CDC14B: variants seen among roughly 807,000 people sequenced by gnomAD.
CDC14B encodes the protein dual specificity protein phosphatase CDC14B.
In CDC14B, 22 loss-of-function variants were observed where a neutral mutation model predicts 64.2. That is an observed-to-expected ratio of 0.34 (90% CI 0.24 to 0.49). The LOEUF (loss-of-function observed/expected upper bound fraction) is 0.49, where lower values mean the gene tolerates loss of function less well. Among genes scored for constraint, CDC14B ranks in the 20% least tolerant of loss-of-function variants. The pLI, the probability that CDC14B is intolerant of heterozygous loss-of-function variation, is 0.99. For synonymous variants in CDC14B, 191 were observed against 215.8 expected, an observed-to-expected ratio of 0.89 and a Z score of 1.01; for missense variants, 498 against 629.9, an observed-to-expected ratio of 0.79 and a Z score of 2.24.
intron 1 of CDC14B, among the ~76,000 whole-genome samples, chr9:96,576,177 G>A (rs1257911665): frequency 8.5e-5 from 13 of 152,076 alleles, no homozygotes; most frequent in African/African-American, 3.1e-4. Context: ...TACTTGGGGA[G>A]GGTGAGGCAG....
intron 1 of CDC14B, chr9:96,618,475 T>C (rs747975020): frequency 9.4e-6 from 5 of 533,330 alleles, no homozygotes; most frequent in South Asian, 7.0e-5. Context: ...AGAACAGCTA[T>C]CGAAGGGCTG....
intron 7 of CDC14B, 83 bp downstream of exon 7, chr9:96,538,995 A>G (rs1587873372): frequency 3.5e-6 from 3 of 856,982 alleles, no homozygotes; most frequent in African/African-American, 3.4e-5. Context: ...TTAAGTATAT[A>G]TAAGTTTTAT....
chr9:96,600,346 A>G (rs184007668), intron 1 of CDC14B, among the ~76,000 whole-genome samples: 1 of 152,188 alleles, frequency 6.6e-6, no homozygotes, highest in African/African-American at 2.4e-5. Context: ...AGAACTGGAC[A>G]GATGAGGGCA....
chr9:96,547,226 A>G (rs573057038), intron 5 of CDC14B, among the ~76,000 whole-genome samples: 15 of 152,048 alleles, frequency 9.9e-5, no homozygotes, highest in African/African-American at 3.6e-4. Context: ...GCACTCTGGG[A>G]AGCCGAGGCT....
At chr9:96,598,679 T>C (rs1428413916) in intron 1 of CDC14B, among the ~76,000 whole-genome samples, 1 of 152,192 alleles carries the variant, frequency 6.6e-6, no homozygotes, top group East Asian at 1.9e-4. Flanking sequence ...ACATTGCTAG[T>C]GGGACTGTAA....
At position 96,564,810 on chromosome 9, in the gene CDC14B, G is replaced by A; in HGVS notation, c.294C>T (p.Tyr98=). The A allele has an allele frequency of 6.2e-7, 1 of 1,603,550 alleles. No homozygotes were observed. Among genetic ancestry groups the A allele is most frequent in the Non-Finnish European group, 8.5e-7 (1 of 1,174,710 alleles). Residue 98 remains tyrosine (Y), a synonymous_variant, in exon 3 of 14, where the codon TAC becomes TAT. Coordinates refer to ENST00000375241, the MANE Select transcript of CDC14B (RefSeq NM_033331.4). The stretch of plus-strand genomic sequence containing the variant: ...TCTTATTGATCTTGCAACAATATCT[G>A]TAAACCATTGCCAGATTGAGTGGTC... The part of the protein sequence containing the change: ...DFGPLNLAMV[Y]RYCCKINKKL...
At chr9:96,582,360 A>T (rs1232896106) in intron 1 of CDC14B, among the ~76,000 whole-genome samples, 1 of 152,212 alleles carries the variant, frequency 6.6e-6, no homozygotes, top group Non-Finnish European at 1.5e-5. Context: ...ATACTGGTCC[A>T]AGCAAGCATT....
At chr9:96,573,079 C>T (rs1268611651) in intron 1 of CDC14B, among the ~76,000 whole-genome samples, 3 of 152,096 alleles carry the variant, frequency 2.0e-5, no homozygotes, top group Non-Finnish European at 2.9e-5. Flanking sequence ...GAGGCCGAGG[C>T]GGGTGGATCA....
At chr9:96,530,003 A>G (rs1373076129) in intron 9 of CDC14B, among the ~76,000 whole-genome samples, 3 of 152,184 alleles carry the variant, frequency 2.0e-5, no homozygotes, top group Non-Finnish European at 4.4e-5. Context: ...TAAGTCACCC[A>G]GTGCACAAAT....
In CDC14B at chr9:96,515,781, G is replaced by T; in HGVS notation, c.1344-5992C>A. The T allele has an allele frequency of 6.3e-7, 1 of 1,598,282 alleles. No individual in the cohort carries two copies. Among genetic ancestry groups the T allele is most frequent in the South Asian group, 1.1e-5 (1 of 87,930 alleles). ...ACTACACAGTGCAGAGGTCAGCACA[G>T]CTAGGGGACATCTGGAAAGGGGTGA... On this transcript the variant is annotated intron_variant, in intron 12 of 13. Transcript: ENST00000375241. The surrounding 1 kb of genome is among the most constrained non-coding windows in gnomAD (Gnocchi z 4.3).
At chr9:96,579,413 C>T (rs918851761) in intron 1 of CDC14B, among the ~76,000 whole-genome samples, 2 of 151,862 alleles carry the variant, frequency 1.3e-5, no homozygotes, top group Non-Finnish European at 2.9e-5. Context: ...CAGTGAAACC[C>T]CGTCTCTACC....
downstream of CDC14B, among the ~76,000 whole-genome samples, chr9:96,498,645 TATCA>T (rs1833350075): frequency 2.0e-5 from 3 of 152,268 alleles, no homozygotes; most frequent in South Asian, 2.1e-4. Flanking sequence ...TGTAATCTGC[TATCA>T]GTCATTCTTT....
At chr9:96,581,375 A>C (rs1845140034) in intron 1 of CDC14B, among the ~76,000 whole-genome samples, 1 of 151,710 alleles carries the variant, frequency 6.6e-6, no homozygotes, top group African/African-American at 2.4e-5. Context: ...AGGCTGAGGC[A>C]GGAGGATCAC....
At chr9:96,607,208 T>TTAGAAAAAATTCTAA (rs1847009258) in intron 1 of CDC14B, among the ~76,000 whole-genome samples, 2 of 151,992 alleles carry the variant, frequency 1.3e-5, no homozygotes, top group Non-Finnish European at 2.9e-5. Context: ...ATTAGCACTG[T>TTAGAAAAAATTCTAA]GGCAGGAAAT....
intron 5 of CDC14B, among the ~76,000 whole-genome samples, chr9:96,550,829 G>A (rs1841695886): frequency 6.6e-6 from 1 of 152,170 alleles, no homozygotes; most frequent in South Asian, 2.1e-4. Context: ...CGCATGCTAA[G>A]TTTGAGATGA....
chr9:96,610,806 A>G (rs902156321), intron 1 of CDC14B, among the ~76,000 whole-genome samples: 3 of 152,254 alleles, frequency 2.0e-5, no homozygotes, highest in African/African-American at 7.2e-5. Flanking sequence ...ATATTAATCC[A>G]ATGAAATATC....
intron 1 of CDC14B, among the ~76,000 whole-genome samples, chr9:96,569,835 G>A (rs1276013837): frequency 1.3e-5 from 2 of 152,146 alleles, no homozygotes; most frequent in Middle Eastern, 3.4e-3. Context: ...GTGATCCACC[G>A]CCTCGGCCTC....
At chr9:96,578,347 T>G (rs575869148) in intron 1 of CDC14B, among the ~76,000 whole-genome samples, 5 of 152,318 alleles carry the variant, frequency 3.3e-5, no homozygotes, top group African/African-American at 1.2e-4. Context: ...TTAGTCCCCT[T>G]TGAGTGTGGA....
chr9:96,564,716 T>C, intron 3 of CDC14B, 61 bp downstream of exon 3: 1 of 980,038 alleles, frequency 1.0e-6, no homozygotes, highest in South Asian at 1.6e-5. Flanking sequence ...ATGTTTTCCT[T>C]ACTTTCGTCC....
Sources: allele counts gnomAD v4.1 joint callset (sites outside exome capture counted in the v4.1 genomes callset), GRCh38; gene constraint gnomAD v4.1.1; non-coding constraint Gnocchi (gnomAD v3.1); transcripts MANE v1.5; gene names NCBI Gene and HGNC (gene_info 2026-07-23, HGNC 2026-07-21).